TCP11: variants seen among roughly 807,000 people sequenced by gnomAD.
TCP11 encodes the protein t-complex 11, also known as T-complex protein 11 homolog.
Under a neutral mutation model 45.0 loss-of-function variants are expected in TCP11, and 34 were observed. That is an observed-to-expected ratio of 0.76 (90% CI 0.57 to 1.01). The LOEUF (loss-of-function observed/expected upper bound fraction) is 1.01, where lower values mean the gene tolerates loss of function less well. TCP11 is among the 50% of genes least tolerant of loss of function. The pLI, the probability that TCP11 is intolerant of heterozygous loss-of-function variation, is 0.00. For missense variants in TCP11, 523 were observed against 598.1 expected (o/e 0.87, Z 1.31); for synonymous variants, 227 against 227.0 (o/e 1.00, Z 0.00).
At chr6:35,141,076 A>T in intron 1 of TCP11, 129 bp downstream of exon 1, 1 of 1,234,126 alleles carries the variant, frequency 8.1e-7, no homozygotes, top group Non-Finnish European at 1.0e-6. Context: ...CTGGGCGGCA[A>T]CGAGGAAACT....
intron 2 of TCP11, among the ~76,000 whole-genome samples, chr6:35,139,605 A>C (rs932537781): frequency 6.6e-6 from 1 of 152,228 alleles, no homozygotes; most frequent in African/African-American, 2.4e-5. Flanking sequence ...AAATCTTCAG[A>C]AGGGGATTGA....
At chr6:35,123,026 C>T (rs1779456399) in intron 4 of TCP11, among the ~76,000 whole-genome samples, 1 of 152,208 alleles carries the variant, frequency 6.6e-6, no homozygotes, top group Admixed American at 6.5e-5. Context: ...TCAGTGCCTA[C>T]TCTGCAAAAA....
At chr6:35,132,843 C>T (rs983701881) in intron 3 of TCP11, among the ~76,000 whole-genome samples, 2 of 152,164 alleles carry the variant, frequency 1.3e-5, no homozygotes, top group Non-Finnish European at 2.9e-5. Context: ...CTCATTCTCC[C>T]AGTTTCAGTT....
At chr6:35,132,366 G>C (rs762331111) in intron 3 of TCP11, among the ~76,000 whole-genome samples, 5 of 152,178 alleles carry the variant, frequency 3.3e-5, no homozygotes, top group Non-Finnish European at 7.3e-5. Flanking sequence ...ACAGGTAGCT[G>C]AACACTCTCA....
At position 35,118,418 on chromosome 6, in the gene TCP11, G is replaced by C. The variant is rs774971447; in HGVS notation, c.1363C>G (p.Leu455Val). 8.7e-6 allele frequency: 14 copies of C among 1,614,144 alleles called. No homozygotes were observed. The highest frequency in any genetic ancestry group is 1.0e-5 in the Non-Finnish European group (12 of 1,180,026). The change falls in exon 10 of 10, where the codon CTC becomes GTC. Residue 455 changes from leucine to valine, a missense_variant. Transcript: ENST00000311875. The part of the protein sequence containing the change: ...SLLDLPGGLT[L>V]IEAELAELGQ... ...AGTTCTGCCAGTTCTGCTTCAATGA[G>C]AGTAAGGCCTCCAGGAAGGTCTAAT...
chr6:35,141,288 C>G lies in TCP11; in HGVS notation c.-98G>C. Reference sequence around the variant, plus strand: ...GGCGGCCTGGAGCGTACCACCGCGGCGGAGCGGCGGGTTGGGGCGTCGCAC... The same window carrying G: ...GGCGGCCTGGAGCGTACCACCGCGGGGGAGCGGCGGGTTGGGGCGTCGCAC... On this transcript the variant is annotated 5_prime_UTR_variant, in exon 1 of 10. Transcript: ENST00000311875. 7.7e-7 allele frequency: 1 copy of G among 1,291,412 alleles called. No homozygotes were observed. The highest frequency in any genetic ancestry group is 2.3e-5 in the South Asian group (1 of 43,964). The allele number at this position is 1,291,412 out of a possible 1,614,324, so 80.0% of individuals were successfully genotyped here. A position where few individuals can be genotyped will look rare whatever the true frequency, so the allele number is the denominator to read the frequency against.
At chr6:35,133,599 G>C (rs767717233) in intron 3 of TCP11, among the ~76,000 whole-genome samples, 7 of 152,026 alleles carry the variant, frequency 4.6e-5, no homozygotes, top group Non-Finnish European at 7.4e-5. Flanking sequence ...AGACCACCCT[G>C]GCCAACATGG....
intron 3 of TCP11, among the ~76,000 whole-genome samples, chr6:35,131,155 C>T (rs1562002941): frequency 1.3e-5 from 2 of 152,176 alleles, no homozygotes; most frequent in Admixed American, 6.5e-5. Flanking sequence ...CGTCTGTAAT[C>T]CCAGCTACAC....
At chr6:35,134,335 C>T (rs1303139182) in intron 3 of TCP11, among the ~76,000 whole-genome samples, 2 of 134,974 alleles carry the variant, frequency 1.5e-5, no homozygotes, top group East Asian at 4.4e-4. Flanking sequence ...GGCTGGAGTG[C>T]AGTGGCGTGA....
At chr6:35,134,575 G>C (rs1021230833) in intron 3 of TCP11, among the ~76,000 whole-genome samples, 1 of 151,866 alleles carries the variant, frequency 6.6e-6, no homozygotes, top group African/African-American at 2.4e-5. Flanking sequence ...CACTGCGCCT[G>C]GCCCCATAAA....
intron 5 of TCP11, 121 bp from the exon 6 acceptor site, chr6:35,121,166 A>G: frequency 8.2e-7 from 1 of 1,215,534 alleles, no homozygotes; most frequent in Non-Finnish European, 1.1e-6. Flanking sequence ...TACCTCCTAC[A>G]TTTTCAGAAG....
Position 35,121,025 on chromosome 6 carries a change from C to T in TCP11, c.599G>A (p.Gly200Asp). Residue 200 changes from glycine to aspartate, a missense_variant, in exon 6 of 10, where the codon GGC (glycine) becomes GAC (aspartate). Around this residue, in one of 2 missense-constraint regions of TCP11, gnomAD observed 298 missense variants for 387.9 expected, o/e 0.77. Coordinates refer to ENST00000311875, the MANE Select transcript of TCP11 (RefSeq NM_001370687.1). ...WLLRGIFQVLGRMKMDMVNYT... is the reference protein window; with the variant it reads ...WLLRGIFQVLDRMKMDMVNYT... ...GTTCACCATGTCCATTTTCATCCGGCCCAGAACCTGGAAGATCCCTCTGAC... is the reference window on the plus strand; with the variant it reads ...GTTCACCATGTCCATTTTCATCCGGTCCAGAACCTGGAAGATCCCTCTGAC... 3.1e-6 allele frequency: 5 copies of T among 1,609,310 alleles called. No homozygotes were observed. The highest frequency in any genetic ancestry group is 1.7e-6 in the Non-Finnish European group (2 of 1,177,416).
At chr6:35,134,273 C>CTTTTTTTTTT (rs34368428) in intron 3 of TCP11, among the ~76,000 whole-genome samples, 7 of 105,114 alleles carry the variant, frequency 6.7e-5, no homozygotes, top group Admixed American at 1.1e-4. Context: ...CACCCATAAG[C>CTTTTTTTTTT]TTTTTTTTTT....
chr6:35,121,437 G>C (rs1691166063), intron 5 of TCP11, among the ~76,000 whole-genome samples: 1 of 147,248 alleles, frequency 6.8e-6, no homozygotes, highest in African/African-American at 2.5e-5. Context: ...TCTGGGTCTT[G>C]GTTCCTAGAG....
chr6:35,129,285 T>C lies in TCP11; in HGVS notation c.237-103A>G, dbSNP rs1466528292. 14 of 1,396,350 alleles carry C rather than the reference T, an allele frequency of 1.0e-5. No homozygotes were observed. The Admixed American group carries it at 1.3e-4, about 12-fold the overall frequency. 86.5% of individuals were successfully genotyped at this position (1,396,350 alleles called of 1,614,324 possible). On this transcript the variant is annotated intron_variant, in intron 3 of 9. Coordinates refer to ENST00000311875, the MANE Select transcript of TCP11 (RefSeq NM_001370687.1). ...CTGAATTTGATATGGTAAAAGGCCATTATAATAACAGGGAAAGGCCAGGAA... is the reference window on the plus strand; with the variant it reads ...CTGAATTTGATATGGTAAAAGGCCACTATAATAACAGGGAAAGGCCAGGAA...
Position 35,120,964 on chromosome 6 carries a change from T to C in TCP11, c.660A>G (p.Glu220=), listed in dbSNP as rs1447497736. 1.9e-6 allele frequency: 3 copies of C among 1,614,150 alleles called. No individual in the cohort carries two copies. Among genetic ancestry groups the C allele is most frequent in the South Asian group, 2.2e-5 (2 of 91,054 alleles). ...TIQSLQPHLQ[E]HSIQYERAKF... ...TAGCCCGTTCATACTGAATGGAATG[T>C]TCCTGCAGGTGGGGTTGAAGGCTCT... Residue 220 remains glutamate, a synonymous_variant, in exon 6 of 10, where the codon GAA becomes GAG. Transcript: ENST00000311875. This position sits in a 1 kb window ranked among gnomAD's most constrained non-coding sequence, Gnocchi z 4.9.
rs997157057 is a variant in TCP11 at position 35,119,268 on chromosome 6, C to T, written c.1239G>A (p.Gln413=). The T allele has an allele frequency of 1.2e-6, 2 of 1,614,114 alleles. No homozygotes were observed. Residue 413 remains glutamine, a synonymous_variant, in exon 9 of 10, where the codon CAG becomes CAA. Transcript: ENST00000311875. ...CACAGTTCTCCTTCTTGGCAATGTTCTGGAGCTGTCCCATTAGAGATGCTG... is the reference window on the plus strand; with the variant it reads ...CACAGTTCTCCTTCTTGGCAATGTTTTGGAGCTGTCCCATTAGAGATGCTG... ...DNTASLMGQL[Q]NIAKKENCVC...
rs185028407 is a variant in TCP11 at position 35,119,722 on chromosome 6, T to A, written c.1116-331A>T. 9.6e-4 allele frequency among the ~76,000 whole-genome samples: 146 copies of A among 152,326 alleles called. 1 individual carries two copies. The highest frequency in any genetic ancestry group is 9.1e-3 in the East Asian group (47 of 5,188). ...TTCTTTAGTCCCATGGACTTTATTT[T>A]TATATATATATGTTTAAGACTTTCT... is the stretch of plus-strand genomic sequence containing the variant. On this transcript the variant is annotated intron_variant, in intron 8 of 9. Transcript: ENST00000311875.
At chr6:35,129,347 G>A (rs1780163113) in intron 3 of TCP11, among the ~76,000 whole-genome samples, 165 bp from the exon 4 acceptor site, 2 of 152,334 alleles carry the variant, frequency 1.3e-5, no homozygotes, top group Admixed American at 6.5e-5. Flanking sequence ...ACAAGCTAGG[G>A]TTAGATTTGT....
Sources: allele counts gnomAD v4.1 joint callset (sites outside exome capture counted in the v4.1 genomes callset), GRCh38; gene constraint gnomAD v4.1.1; regional missense constraint gnomAD v4.1.1; non-coding constraint Gnocchi (gnomAD v3.1); transcripts MANE v1.5; gene names NCBI Gene and HGNC (gene_info 2026-07-23, HGNC 2026-07-21).